RAB6B: variants seen among roughly 807,000 people sequenced by gnomAD.
The protein encoded by RAB6B is ras-related protein Rab-6B.
Under a neutral mutation model 31.2 loss-of-function variants are expected in RAB6B, and 7 were observed. The observed-to-expected ratio is 0.22, with a 90% CI of 0.13 to 0.42. The LOEUF is 0.42. Among genes scored for constraint, RAB6B ranks in the 10% least tolerant of loss-of-function variants. The probability of loss-of-function intolerance (pLI) is 1.00; values close to 1 mark genes in which losing one functional copy is unlikely to be tolerated. For missense variants in RAB6B, 149 were observed against 280.6 expected (o/e 0.53, Z 3.35); for synonymous variants, 105 against 104.9 (o/e 1.00, Z -0.01).
chr3:133,848,663 T>G (rs1553746485), intron 2 of RAB6B, among the ~76,000 whole-genome samples: 1 of 151,520 alleles, frequency 6.6e-6, no homozygotes, highest in Non-Finnish European at 1.5e-5. Context: ...GGGCCCAAAC[T>G]CCGATGGTAC....
chr3:133,831,569 C>T (rs1935656446), intron 7 of RAB6B, among the ~76,000 whole-genome samples: 1 of 152,370 alleles, frequency 6.6e-6, no homozygotes, highest in Non-Finnish European at 1.5e-5. Context: ...AATGACACCT[C>T]CTTCCTTGTT....
intron 2 of RAB6B, among the ~76,000 whole-genome samples, chr3:133,849,327 T>C (rs765252611): frequency 1.3e-5 from 2 of 152,198 alleles, no homozygotes; most frequent in Non-Finnish European, 2.9e-5. Context: ...CATCAGGAGT[T>C]TGTTAAACAT....
At chr3:133,828,892 A>G (rs1935615276) in intron 7 of RAB6B, 40 bp from the exon 8 acceptor site, 1 of 1,535,082 alleles carries the variant, frequency 6.5e-7, no homozygotes, top group Non-Finnish European at 8.9e-7. Context: ...TCTCCTGGAC[A>G]AGCTGCCACC....
intron 4 of RAB6B, 126 bp from the exon 5 acceptor site, chr3:133,839,743 T>C: frequency 1.4e-6 from 1 of 739,518 alleles, no homozygotes; most frequent in Non-Finnish European, 2.4e-6. Flanking sequence ...CAGGGAGGGG[T>C]GTGAGCTCAG....
Position 133,828,354 on chromosome 3 carries a change from G to T in RAB6B, c.*434C>A. 1 of 351,584 alleles carries T rather than the reference G, an allele frequency of 2.8e-6. No homozygotes were observed. The highest frequency in any genetic ancestry group is 3.7e-5 in the South Asian group (1 of 27,380). The allele number at this position is 351,584 out of a possible 1,614,324, so 21.8% of individuals were successfully genotyped here. Reference sequence around the variant, plus strand: ...TAATTTATTGGGCTGGGGATAGGAGGAAGGCAGAGGTGATGAATGGTTCAA... The same window carrying T: ...TAATTTATTGGGCTGGGGATAGGAGTAAGGCAGAGGTGATGAATGGTTCAA... On this transcript the variant is annotated 3_prime_UTR_variant, in exon 8 of 8. Transcript: ENST00000285208.
At chr3:133,889,270 T>C (rs1228664402) in intron 1 of RAB6B, among the ~76,000 whole-genome samples, 1 of 151,646 alleles carries the variant, frequency 6.6e-6, no homozygotes, top group East Asian at 1.9e-4. Flanking sequence ...GTTACCACCC[T>C]TGGGCCTGGC....
At chr3:133,889,438 A>C (rs867107424) in intron 1 of RAB6B, among the ~76,000 whole-genome samples, 35 of 70,782 alleles carry the variant, frequency 4.9e-4, no homozygotes, top group African/African-American at 1.8e-3. Flanking sequence ...ATATATATAT[A>C]TATATATTTA....
At chr3:133,834,770 G>A (rs567923162) in intron 6 of RAB6B, 129 bp from the exon 7 acceptor site, 127 of 865,474 alleles carry the variant, frequency 1.5e-4, no homozygotes, top group Middle Eastern at 1.3e-3. Flanking sequence ...CCCAGCGGAC[G>A]GTGCCCTCAA....
At chr3:133,889,419 TA>T (rs1936602449) in intron 1 of RAB6B, among the ~76,000 whole-genome samples, 10 of 61,372 alleles carry the variant, frequency 1.6e-4, no homozygotes, top group African/African-American at 6.6e-4. Context: ...TATATATATA[TA>T]TATATATATA....
intron 1 of RAB6B, among the ~76,000 whole-genome samples, chr3:133,880,266 C>T (rs1936447983): frequency 6.6e-6 from 1 of 152,204 alleles, no homozygotes; most frequent in African/African-American, 2.4e-5. Flanking sequence ...CAAGGCTTAA[C>T]TGCTAGTAGT....
At chr3:133,881,613 T>C (rs563700478) in intron 1 of RAB6B, among the ~76,000 whole-genome samples, 2 of 152,296 alleles carry the variant, frequency 1.3e-5, no homozygotes, top group East Asian at 3.9e-4. Context: ...GCCTAGAGAA[T>C]ATGTGGTCTA....
chr3:133,848,826 C>A (rs1316512828), intron 2 of RAB6B, among the ~76,000 whole-genome samples: 1 of 151,758 alleles, frequency 6.6e-6, no homozygotes, highest in Non-Finnish European at 1.5e-5. Context: ...AATTCAATTT[C>A]AATATGAGTT....
At chr3:133,834,536 T>C (rs1935703831) in intron 7 of RAB6B, 39 bp downstream of exon 7, 5 of 1,569,906 alleles carry the variant, frequency 3.2e-6, no homozygotes, top group Non-Finnish European at 4.4e-6. Context: ...AAATGGCTTC[T>C]ATACATCTTT....
At chr3:133,833,743 C>G (rs370691680) in intron 7 of RAB6B, among the ~76,000 whole-genome samples, 10 of 152,142 alleles carry the variant, frequency 6.6e-5, no homozygotes, top group African/African-American at 2.2e-4. Flanking sequence ...TGTGTAGGGA[C>G]AGGTCCACTG....
chr3:133,838,126 CCGGGCCCCG>C (rs760514147), intron 6 of RAB6B, 31 bp downstream of exon 6: 37 of 284,356 alleles, frequency 1.3e-4, no homozygotes, highest in African/African-American at 5.7e-4. Flanking sequence ...CTACACCGTG[CCGGGCCCCG>C]TGCCGGGCCC....
intron 7 of RAB6B, among the ~76,000 whole-genome samples, chr3:133,833,548 G>A (rs1935687420): frequency 6.6e-6 from 1 of 152,162 alleles, no homozygotes. Flanking sequence ...TGGGACTCCT[G>A]GTGTCCTGCC....
chr3:133,893,806 G>A (rs9876687), intron 1 of RAB6B, among the ~76,000 whole-genome samples: 4,413 of 152,234 alleles, frequency 0.029, 83 homozygotes, highest in Non-Finnish European at 0.038. Flanking sequence ...GCTCCAGGCC[G>A]GGTGAGACTA....
rs1935704529 is a variant in RAB6B, at chr3:133,834,590, T to C, written c.547A>G (p.Lys183Glu). ...AAAAGGATACTCCCTTCTTTGCTTT[T>C]CTCCTGGACATTCTCCATTCCGGGT... ...ALPGMENVQEKSKEGMIDIKL... is the reference protein window; with the variant it reads ...ALPGMENVQEESKEGMIDIKL... Residue 183 changes from lysine to glutamate, a missense_variant, in exon 7 of 8, where the codon AAA (lysine) becomes GAA (glutamate). Around this residue, in one of 2 missense-constraint regions of RAB6B, gnomAD observed 74 missense variants for 100.5 expected, o/e 0.74. Coordinates refer to ENST00000285208, the MANE Select transcript of RAB6B (RefSeq NM_016577.4). 1 of 1,613,646 alleles carries C rather than the reference T, an allele frequency of 6.2e-7. No individual in the cohort carries two copies. Among genetic ancestry groups the C allele is most frequent in the African/African-American group, 1.3e-5 (1 of 74,910 alleles).
rs551376579 is a variant in RAB6B, at chr3:133,881,063, G to A, written c.70+14334C>T. ...CTGAGACTGCTGGTCAGGCATTAGG[G>A]TCAACAAAGGGCCAGGCTGGGGGGT... On this transcript the variant is annotated intron_variant, in intron 1 of 7. Transcript: ENST00000285208. Among the ~76,000 whole-genome samples, 293 of 152,282 alleles carry A rather than the reference G, an allele frequency of 1.9e-3. 1 individual carries two copies. The highest frequency in any genetic ancestry group is 6.7e-3 in the African/African-American group (280 of 41,544).
Sources: allele counts gnomAD v4.1 joint callset (sites outside exome capture counted in the v4.1 genomes callset), GRCh38; gene constraint gnomAD v4.1.1; regional missense constraint gnomAD v4.1.1; transcripts MANE v1.5; gene names NCBI Gene and HGNC (gene_info 2026-07-23, HGNC 2026-07-21).